Variants in ITPR1 observed in about 807,000 individuals in gnomAD.
The protein encoded by ITPR1 is inositol 1,4,5-trisphosphate-gated calcium channel ITPR1.
A neutral mutation model predicts 318.4 loss-of-function variants in ITPR1; 96 were observed. The ratio of observed to expected loss-of-function variants is 0.30; its 90% confidence interval spans 0.26 to 0.36. ITPR1 has a LOEUF of 0.36. ITPR1 is among the 10% of genes least tolerant of loss of function. ITPR1 has a pLI of 1.00. For synonymous variants in ITPR1, 1,312 were observed against 1,289.9 expected, an observed-to-expected ratio of 1.02 and a Z score of -0.37; for missense variants, 2,440 against 3,460.2, an observed-to-expected ratio of 0.71 and a Z score of 7.40.
chr3:4,782,434 G>A, intron 49 of ITPR1, 185 bp from the exon 50 acceptor site: 2 of 474,696 alleles, frequency 4.2e-6, no homozygotes, highest in Non-Finnish European at 7.5e-6. Context: ...CAGGAGAGGT[G>A]GATTGGTATT....
chr3:4,537,684 C>G (rs2084004514), intron 4 of ITPR1, among the ~76,000 whole-genome samples: 1 of 152,116 alleles, frequency 6.6e-6, no homozygotes, highest in African/African-American at 2.4e-5. Context: ...GTGATGTAGC[C>G]ATGAGCCAAG....
At chr3:4,672,619 T>G (rs1334840383) in intron 20 of ITPR1, among the ~76,000 whole-genome samples, 1 of 152,160 alleles carries the variant, frequency 6.6e-6, no homozygotes, top group Non-Finnish European at 1.5e-5. Context: ...AAGTGAGGAG[T>G]CTCCTACTTT....
intron 4 of ITPR1, among the ~76,000 whole-genome samples, chr3:4,607,536 T>C (rs2091787153): frequency 6.6e-6 from 1 of 152,266 alleles, no homozygotes; most frequent in East Asian, 1.9e-4. Flanking sequence ...AGAGAGAGTT[T>C]TATACACATA....
intron 60 of ITPR1, among the ~76,000 whole-genome samples, chr3:4,828,481 C>T (rs574106126): frequency 5.9e-5 from 9 of 152,254 alleles, no homozygotes; most frequent in East Asian, 3.9e-4. Context: ...TTGTCCAGCA[C>T]GGGTGGCCGG....
At position 4,670,888 on chromosome 3, in the gene ITPR1, A is replaced by G; in HGVS notation, c.2166A>G (p.Glu722=). ...SVRELAQDAK[E]GQKEDRDVLS... ...GGGAATTGGCTCAGGATGCTAAAGA[A>G]GGGCAGAAGGAGGACCGAGACGTTC... Residue 722 remains glutamate, a synonymous_variant, in exon 20 of 62, where the codon GAA becomes GAG. Transcript: ENST00000649015. The G allele has an allele frequency of 6.2e-7, 1 of 1,603,758 alleles. No individual in the cohort carries two copies.
intron 23 of ITPR1, among the ~76,000 whole-genome samples, chr3:4,675,748 C>T (rs1353575880): frequency 1.3e-5 from 2 of 151,996 alleles, no homozygotes. Flanking sequence ...ATTTCTTCCT[C>T]GTTTTAGGGT....
rs1482480137 is a variant in ITPR1, at chr3:4,645,716, G to A, written c.843G>A (p.Leu281=). Residue 281 remains leucine, a synonymous_variant, in exon 10 of 62, where the codon CTG becomes CTA. Transcript: ENST00000649015. ...CATCTGCCACCAGTTCAAAAGCCCT[G>A]TGGGAGGTGGAGGTAAGGGTAGGGT... is the stretch of plus-strand genomic sequence containing the variant. ...SATSATSSKA[L]WEVEVVQHDP... 6 of 1,612,920 alleles carry A rather than the reference G, an allele frequency of 3.7e-6. No homozygotes were observed. The highest frequency in any genetic ancestry group is 4.2e-6 in the Non-Finnish European group (5 of 1,179,744).
chr3:4,632,636 CA>C (rs2093048465), intron 5 of ITPR1, among the ~76,000 whole-genome samples: 1 of 152,082 alleles, frequency 6.6e-6, no homozygotes, highest in African/African-American at 2.4e-5. Context: ...CACTCAACAC[CA>C]AAAGAAATGG....
chr3:4,595,362 A>G (rs1038353277), intron 4 of ITPR1, among the ~76,000 whole-genome samples: 3 of 152,162 alleles, frequency 2.0e-5, no homozygotes, highest in Non-Finnish European at 4.4e-5. Context: ...GAGGTGCCAC[A>G]CACTTTTAAA....
At chr3:4,644,943 G>A (rs576666208) in intron 8 of ITPR1, among the ~76,000 whole-genome samples, 46 of 152,254 alleles carry the variant, frequency 3.0e-4, no homozygotes, top group African/African-American at 1.1e-3. Context: ...CTAGTGCCTG[G>A]CACAGATTTA....
At chr3:4,586,951 G>A (rs1057155395) in intron 4 of ITPR1, among the ~76,000 whole-genome samples, 1 of 151,960 alleles carries the variant, frequency 6.6e-6, no homozygotes, top group Non-Finnish European at 1.5e-5. Flanking sequence ...TCCGACCTGC[G>A]GGTTCTCTAA....
At chr3:4,677,758 A>G (rs1409864887) in intron 24 of ITPR1, among the ~76,000 whole-genome samples, 4 of 152,120 alleles carry the variant, frequency 2.6e-5, no homozygotes, top group East Asian at 3.8e-4. Flanking sequence ...ACAAGCTTGT[A>G]TGGTGAATAG....
At position 4,578,480 on chromosome 3, in the gene ITPR1, TTG is replaced by T. The variant is rs143203883; in HGVS notation, c.164-49266_164-49265del. The stretch of plus-strand genomic sequence containing the variant: ...GTTGCTTTGCCAGTGAGAATTTTTA[TTG>T]TGTGTGTGTGTGTGTGCATATACAT... On this transcript the variant is annotated intron_variant, in intron 4 of 61. Coordinates refer to ENST00000649015, the MANE Select transcript of ITPR1 (RefSeq NM_001378452.1). 6.5e-3 allele frequency among the ~76,000 whole-genome samples: 976 copies of T among 150,836 alleles called. 4 individuals carry two copies. The highest frequency in any genetic ancestry group is 0.022 in the African/African-American group (899 of 41,196).
chr3:4,754,991 C>A (rs547896474), intron 44 of ITPR1, among the ~76,000 whole-genome samples: 1 of 152,220 alleles, frequency 6.6e-6, no homozygotes, highest in African/African-American at 2.4e-5. Flanking sequence ...GACTATTGAA[C>A]CCAGAGAAAA....
intron 4 of ITPR1, among the ~76,000 whole-genome samples, chr3:4,618,836 A>G (rs144611213): frequency 6.6e-6 from 1 of 152,330 alleles, no homozygotes; most frequent in African/African-American, 2.4e-5. Flanking sequence ...GACTAGCATT[A>G]AGCATATTAA....
At chr3:4,650,645 G>GTGTGTGTGTGCA (rs1491220486) in intron 10 of ITPR1, among the ~76,000 whole-genome samples, 41 of 51,824 alleles carry the variant, frequency 7.9e-4, no homozygotes, top group Non-Finnish European at 1.5e-3. Flanking sequence ...GTGTGTGTGT[G>GTGTGTGTGTGCA]CGCGCGTCTG....
In ITPR1 at chr3:4,768,633, C is replaced by G; in HGVS notation, c.5848C>G (p.Pro1950Ala). The G allele has an allele frequency of 6.2e-7, 1 of 1,614,038 alleles. No homozygotes were observed. The highest frequency in any genetic ancestry group is 8.5e-7 in the Non-Finnish European group (1 of 1,179,898). The change falls in exon 46 of 62, where the codon CCT (proline) becomes GCT (alanine). Residue 1950 changes from proline to alanine, a missense_variant. By Grantham distance (27) the Pro-to-Ala change is conservative. Transcript: ENST00000649015. ...GGCTGATCCCGACGACCACTACCAG[C>G]CTGGAGAGGGCACCCAGGCCACTGC... ...READPDDHYQ[P>A]GEGTQATADK...
chr3:4,560,464 A>G (rs190316418), intron 4 of ITPR1, among the ~76,000 whole-genome samples: 15 of 152,312 alleles, frequency 9.8e-5, no homozygotes, highest in African/African-American at 3.4e-4. Context: ...CTATTTTTAA[A>G]GAAAGAAGGA....
intron 4 of ITPR1, among the ~76,000 whole-genome samples, chr3:4,571,207 T>A (rs2087941953): frequency 1.3e-5 from 2 of 152,244 alleles, no homozygotes. Flanking sequence ...AAGTTTCATG[T>A]CAGAGGGCAT....
Sources: gnomAD v4.1 joint callset for allele counts (sites outside exome capture counted in the v4.1 genomes callset) on GRCh38, gnomAD v4.1.1 for gene constraint, MANE v1.5 for transcripts, NCBI Gene and HGNC (gene_info 2026-07-23, HGNC 2026-07-21) for gene names.